Variants in CFAP47 observed in about 807,000 individuals in gnomAD.
CFAP47 encodes the protein cilia and flagella associated protein 47.
Under a neutral mutation model 148.1 loss-of-function variants are expected in CFAP47, and 29 were observed. The observed-to-expected ratio is 0.20, with a 90% confidence interval of 0.15 to 0.27. The LOEUF (loss-of-function observed/expected upper bound fraction) is 0.27. Ranked by LOEUF, CFAP47 falls within the 10% of genes least tolerant of loss-of-function variation. The probability of loss-of-function intolerance (pLI) is 1.00; values close to 1 mark genes in which losing one functional copy is unlikely to be tolerated. For missense variants in CFAP47, 1,872 were observed against 1,697.5 expected, an observed-to-expected ratio of 1.10 and a Z score of -1.81; for synonymous variants, 664 against 577.3, an observed-to-expected ratio of 1.15 and a Z score of -2.15.
intron 33 of CFAP47, among the ~76,000 whole-genome samples, chrX:36,113,844 C>G (rs1938593644): frequency 9.7e-6 from 1 of 103,453 alleles, no homozygotes; most frequent in Admixed American, 1.1e-4. Flanking sequence ...GAGTCTCGCT[C>G]TGTCGCCCAG....
chrX:35,949,306 TGA>T (rs1413658701), intron 4 of CFAP47, among the ~76,000 whole-genome samples: 1 of 111,143 alleles, frequency 9.0e-6, no homozygotes, highest in Non-Finnish European at 1.9e-5. Context: ...GGTTTTAGGA[TGA>T]GAGTGTCATG....
chrX:36,035,792 G>A lies in CFAP47; in HGVS notation c.3749G>A (p.Ser1250Asn), dbSNP rs1937331165. 5 of 294,457 alleles carry A rather than the reference G, an allele frequency of 1.7e-5. No individual in the cohort carries two copies. The highest frequency in any genetic ancestry group is 3.0e-5 in the Non-Finnish European group (5 of 169,285). 24.3% of individuals were successfully genotyped at this position (294,457 alleles called of 1,213,427 possible). Residue 1250 changes from serine to asparagine, a missense_variant, in exon 24 of 64, where the codon AGT (serine) becomes AAT (asparagine). By Grantham distance (46) the Ser-to-Asn change is conservative (BLOSUM62 1). Coordinates refer to ENST00000378653, the MANE Select transcript of CFAP47 (RefSeq NM_001304548.2). ...TTCAAAGACGGCACATTCAAGTTCAGTGTACTGAATGGGATTCTACGACCA... is the reference window on the plus strand; with the variant it reads ...TTCAAAGACGGCACATTCAAGTTCAATGTACTGAATGGGATTCTACGACCA... ...KLFKDGTFKF[S>N]VLNGILRPNE...
At chrX:36,140,576 C>A (rs746231634) in intron 35 of CFAP47, among the ~76,000 whole-genome samples, 1 of 111,490 alleles carries the variant, frequency 9.0e-6, no homozygotes, top group African/African-American at 3.3e-5. Context: ...AATGCCCTAA[C>A]TCTTTATTAG....
At chrX:36,052,570 A>G (rs932410424) in intron 26 of CFAP47, among the ~76,000 whole-genome samples, 6 of 112,122 alleles carry the variant, frequency 5.4e-5, no homozygotes, top group Non-Finnish European at 1.1e-4. Flanking sequence ...GATGAGAAAT[A>G]TATTTTTAAA....
intron 33 of CFAP47, among the ~76,000 whole-genome samples, chrX:36,135,272 C>T (rs777674829): frequency 9.0e-6 from 1 of 111,005 alleles, no homozygotes; most frequent in African/African-American, 3.3e-5. Context: ...CATCAGTTCC[C>T]CCCAAAACCT....
At chrX:36,304,537 G>A (rs1397822407) in intron 54 of CFAP47, among the ~76,000 whole-genome samples, 1 of 111,163 alleles carries the variant, frequency 9.0e-6, no homozygotes, top group African/African-American at 3.3e-5. Flanking sequence ...TAAATTGGTT[G>A]CGTTTTCTTT....
At chrX:36,055,860 C>T (rs1387027700) in intron 26 of CFAP47, among the ~76,000 whole-genome samples, 1 of 111,421 alleles carries the variant, frequency 9.0e-6, no homozygotes, top group Non-Finnish European at 1.9e-5. Context: ...TTCTGACTGG[C>T]GTGAGATGGT....
At chrX:36,074,758 A>G (rs955486085) in intron 29 of CFAP47, among the ~76,000 whole-genome samples, 8 of 111,128 alleles carry the variant, frequency 7.2e-5, no homozygotes, top group Non-Finnish European at 1.1e-4. Flanking sequence ...TATAATTGCA[A>G]CCTTGTATCA....
At chrX:36,145,487 C>T (rs905871668) in intron 36 of CFAP47, 134 bp downstream of exon 36, 1 of 278,967 alleles carries the variant, frequency 3.6e-6, no homozygotes, top group Non-Finnish European at 6.3e-6. Context: ...TAAGCCTTAT[C>T]AAATGTTGCT....
At chrX:36,045,309 TACTC>T (rs1260331464) in intron 25 of CFAP47, among the ~76,000 whole-genome samples, 5 of 111,881 alleles carry the variant, frequency 4.5e-5, no homozygotes, top group Non-Finnish European at 1.9e-5. Flanking sequence ...CTTGGTGTTC[TACTC>T]CGCTGTGGCT....
At chrX:36,308,763 A>G (rs1941370674) in intron 55 of CFAP47, among the ~76,000 whole-genome samples, 1 of 110,872 alleles carries the variant, frequency 9.0e-6, no homozygotes, top group Non-Finnish European at 1.9e-5. Context: ...GGCTGTTCTT[A>G]TAGGGTAAAC....
intron 26 of CFAP47, among the ~76,000 whole-genome samples, chrX:36,049,763 A>G (rs769059246): frequency 8.9e-6 from 1 of 111,813 alleles, no homozygotes; most frequent in Non-Finnish European, 1.9e-5. Flanking sequence ...CACATTTGTT[A>G]TTGGCCGGTG....
At chrX:36,184,202 G>T (rs1174650765) in intron 40 of CFAP47, among the ~76,000 whole-genome samples, 3 of 111,719 alleles carry the variant, frequency 2.7e-5, no homozygotes, top group Admixed American at 9.5e-5. Context: ...TCATGGAAGA[G>T]AAGACATTTT....
intron 18 of CFAP47, among the ~76,000 whole-genome samples, chrX:35,995,407 G>A (rs1325585089): frequency 1.8e-5 from 2 of 111,579 alleles, no homozygotes; most frequent in Admixed American, 9.6e-5. Flanking sequence ...ATTTTTTAGA[G>A]ATCACTTTGG....
chrX:35,955,681 A>G (rs1936234276), intron 7 of CFAP47, among the ~76,000 whole-genome samples: 1 of 112,134 alleles, frequency 8.9e-6, no homozygotes. Flanking sequence ...CTTATTTTCT[A>G]TGAAATGCTG....
At chrX:36,156,162 A>C (rs183929435) in intron 37 of CFAP47, among the ~76,000 whole-genome samples, 1 of 111,091 alleles carries the variant, frequency 9.0e-6, no homozygotes, top group African/African-American at 3.3e-5. Context: ...TAGGCTAAAT[A>C]ATTTCATAGG....
intron 26 of CFAP47, among the ~76,000 whole-genome samples, chrX:36,059,936 A>T (rs906948623): frequency 1.1e-4 from 12 of 110,912 alleles, no homozygotes; most frequent in Middle Eastern, 4.6e-3. Context: ...ATGTGAGCTG[A>T]TTCTTAAAAG....
At chrX:36,066,164 G>A (rs1937637426) in intron 27 of CFAP47, among the ~76,000 whole-genome samples, 1 of 111,224 alleles carries the variant, frequency 9.0e-6, no homozygotes, top group Non-Finnish European at 1.9e-5. Context: ...TGCTGCAGGG[G>A]AAATTGTGAG....
intron 6 of CFAP47, among the ~76,000 whole-genome samples, 183 bp downstream of exon 6, chrX:35,952,146 A>T: frequency 8.9e-6 from 1 of 112,090 alleles, no homozygotes; most frequent in Non-Finnish European, 1.9e-5. Context: ...AATTCTAAAT[A>T]TGGTTCTAAA....
Sources: allele counts gnomAD v4.1 joint callset (sites outside exome capture counted in the v4.1 genomes callset), GRCh38; gene constraint gnomAD v4.1.1; transcripts MANE v1.5; gene names NCBI Gene and HGNC (gene_info 2026-07-23, HGNC 2026-07-21).